The following FLI1 variants were observed in gnomAD, a reference collection of about 807,000 sequenced individuals.
FLI1 encodes Fli-1 proto-oncogene, ETS transcription factor, also known as Friend leukemia integration 1 transcription factor.
In FLI1, 13 loss-of-function variants were observed where a neutral mutation model predicts 53.1. The ratio of observed to expected loss-of-function variants is 0.24; its 90% CI spans 0.16 to 0.39. FLI1 has a LOEUF of 0.39. Among genes scored for constraint, FLI1 ranks in the 10% least tolerant of loss-of-function variants. The probability of loss-of-function intolerance (pLI) is 1.00; values close to 1 mark genes in which losing one functional copy is unlikely to be tolerated. For synonymous variants in FLI1, 244 were observed against 236.7 expected, an observed-to-expected ratio of 1.03 and a Z score of -0.28; for missense variants, 424 against 600.5, an observed-to-expected ratio of 0.71 and a Z score of 3.07.
At chr11:128,710,854 A>T (rs539969721) in intron 1 of FLI1, among the ~76,000 whole-genome samples, 23 of 152,254 alleles carry the variant, frequency 1.5e-4, no homozygotes, top group Non-Finnish European at 3.1e-4. Flanking sequence ...TCTTTTGAAG[A>T]TATTCATGTG....
At chr11:128,741,750 C>T (rs556769955) in intron 1 of FLI1, among the ~76,000 whole-genome samples, 3 of 152,198 alleles carry the variant, frequency 2.0e-5, no homozygotes, top group Non-Finnish European at 2.9e-5. Context: ...GCTCAGTTCA[C>T]GGCTTTCCTG....
At chr11:128,694,496 A>T (rs1436666444) in intron 1 of FLI1, among the ~76,000 whole-genome samples, 1 of 162 alleles carries the variant, frequency 6.2e-3, no homozygotes, top group African/African-American at 0.023. Flanking sequence ...CCGAAATCCC[A>T]GCCCCCAAAG....
At chr11:128,738,742 TG>T (rs1375392457) in intron 1 of FLI1, among the ~76,000 whole-genome samples, 1 of 152,244 alleles carries the variant, frequency 6.6e-6, no homozygotes, top group Non-Finnish European at 1.5e-5. Flanking sequence ...AGGAGAATGC[TG>T]GATGCAGGTG....
intron 1 of FLI1, among the ~76,000 whole-genome samples, chr11:128,749,410 C>T (rs1940548290): frequency 6.6e-6 from 1 of 152,182 alleles, no homozygotes; most frequent in South Asian, 2.1e-4. Flanking sequence ...GGCCTCGGTT[C>T]CTCTCCTGCG....
intron 1 of FLI1, among the ~76,000 whole-genome samples, chr11:128,756,509 T>C (rs924813326): frequency 2.6e-5 from 4 of 152,188 alleles, no homozygotes; most frequent in Admixed American, 1.3e-4. Flanking sequence ...CTTCAGCATA[T>C]GAATTTTGTG....
intron 5 of FLI1, among the ~76,000 whole-genome samples, chr11:128,786,102 G>T (rs536371344): frequency 6.6e-6 from 1 of 152,322 alleles, no homozygotes; most frequent in South Asian, 2.1e-4. Context: ...CTCCAAGGGT[G>T]ACTCCTGGGC....
intron 1 of FLI1, among the ~76,000 whole-genome samples, chr11:128,741,517 C>T (rs190481678): frequency 1.3e-5 from 2 of 152,370 alleles, no homozygotes; most frequent in Admixed American, 6.5e-5. Flanking sequence ...TCCCGCCTTT[C>T]CAGAGGACTC....
intron 4 of FLI1, among the ~76,000 whole-genome samples, chr11:128,777,914 T>C (rs1471383349): frequency 6.6e-6 from 1 of 152,234 alleles, no homozygotes; most frequent in Non-Finnish European, 1.5e-5. Flanking sequence ...ACCGTGATTG[T>C]TGGGGTTCTA....
intron 1 of FLI1, among the ~76,000 whole-genome samples, chr11:128,713,003 A>T (rs185071622): frequency 6.6e-6 from 1 of 152,278 alleles, no homozygotes; most frequent in Non-Finnish European, 1.5e-5. Context: ...TAATGAGCAG[A>T]CCTATAGCAG....
intron 5 of FLI1, among the ~76,000 whole-genome samples, chr11:128,784,618 G>C (rs1942030585): frequency 6.6e-6 from 1 of 152,094 alleles, no homozygotes; most frequent in South Asian, 2.1e-4. Flanking sequence ...CTTGTGAGGT[G>C]GTCTGAATCT....
intron 4 of FLI1, among the ~76,000 whole-genome samples, chr11:128,779,324 G>A (rs545203994): frequency 1.3e-5 from 2 of 152,316 alleles, no homozygotes; most frequent in South Asian, 2.1e-4. Flanking sequence ...CGTCAGGGAC[G>A]GAGAGGCAAG....
upstream of FLI1, chr11:128,693,826 A>G (rs1253112612): frequency 1.6e-5 from 3 of 185,112 alleles, no homozygotes; most frequent in African/African-American, 5.2e-5. Flanking sequence ...CTCCGCGTAT[A>G]TTTATATAGT....
At chr11:128,793,239 C>T (rs1449291104) in intron 5 of FLI1, among the ~76,000 whole-genome samples, 1 of 151,844 alleles carries the variant, frequency 6.6e-6, no homozygotes, top group African/African-American at 2.4e-5. Flanking sequence ...CATGGGTAAT[C>T]CTCTGCCTCT....
chr11:128,740,337 A>G (rs1185705373), intron 1 of FLI1, among the ~76,000 whole-genome samples: 1 of 152,208 alleles, frequency 6.6e-6, no homozygotes, highest in African/African-American at 2.4e-5. Flanking sequence ...CTATCTATTC[A>G]CTTCTTCCCT....
At chr11:128,718,727 C>T (rs1220878384) in intron 1 of FLI1, among the ~76,000 whole-genome samples, 1 of 152,138 alleles carries the variant, frequency 6.6e-6, no homozygotes, top group Non-Finnish European at 1.5e-5. Flanking sequence ...ACTGCCTGTC[C>T]AAGCTCACTA....
upstream of FLI1, chr11:128,691,857 C>T (rs997978033): frequency 6.6e-6 from 1 of 152,244 alleles, no homozygotes; most frequent in African/African-American, 2.4e-5. Context: ...GAAACCTAGC[C>T]ATGGTGTCTG....
intron 1 of FLI1, among the ~76,000 whole-genome samples, chr11:128,724,398 G>A (rs887310114): frequency 6.6e-6 from 1 of 152,174 alleles, no homozygotes; most frequent in Admixed American, 6.5e-5. Flanking sequence ...CACAGGTGAG[G>A]CCTGACCCCA....
chr11:128,764,846 C>A, intron 2 of FLI1: 1 of 1,590,464 alleles, frequency 6.3e-7, no homozygotes, highest in East Asian at 2.2e-5. Context: ...CTTTCTCTCC[C>A]TGAGCAGTGG....
chr11:128,772,108 G>A (rs1267989615), intron 3 of FLI1, among the ~76,000 whole-genome samples: 1 of 151,310 alleles, frequency 6.6e-6, no homozygotes, highest in Non-Finnish European at 1.5e-5. Flanking sequence ...GAGGAGGTAT[G>A]AGTGTCCTAC....
Sources: gnomAD v4.1 joint callset for allele counts (sites outside exome capture counted in the v4.1 genomes callset) on GRCh38, gnomAD v4.1.1 for gene constraint, MANE v1.5 for transcripts, NCBI Gene and HGNC (gene_info 2026-07-23, HGNC 2026-07-21) for gene names.